The following KDSR variants were observed in gnomAD, a reference collection of about 807,000 sequenced individuals.
KDSR encodes 3-ketodihydrosphingosine reductase.
Under a neutral mutation model 41.3 loss-of-function variants are expected in KDSR, and 23 were observed. The ratio of observed to expected loss-of-function variants is 0.56; its 90% confidence interval spans 0.40 to 0.79. The LOEUF is 0.79. Ranked by LOEUF, KDSR falls within the 30% of genes least tolerant of loss-of-function variation. KDSR has a pLI of 0.00. For missense variants in KDSR, 351 were observed against 416.8 expected, an observed-to-expected ratio of 0.84 and a Z score of 1.37; for synonymous variants, 138 against 151.7, an observed-to-expected ratio of 0.91 and a Z score of 0.66.
intron 7 of KDSR, among the ~76,000 whole-genome samples, chr18:63,343,137 A>G (rs549784170): frequency 2.0e-5 from 3 of 152,240 alleles, no homozygotes; most frequent in South Asian, 4.1e-4. Flanking sequence ...AAATTACCCA[A>G]TCTCAGGCAT....
chr18:63,352,263 C>T (rs1476510631), intron 5 of KDSR, among the ~76,000 whole-genome samples: 2 of 151,986 alleles, frequency 1.3e-5, no homozygotes, highest in African/African-American at 4.8e-5. Flanking sequence ...AGAACATGAA[C>T]ATACAATCAT....
intron 2 of KDSR, among the ~76,000 whole-genome samples, chr18:63,362,079 T>G (rs1010925843): frequency 2.0e-5 from 3 of 152,216 alleles, no homozygotes; most frequent in South Asian, 4.1e-4. Context: ...TGTCTGAGCA[T>G]GTACTACGTG....
chr18:63,359,886 T>C, intron 2 of KDSR, 94 bp from the exon 3 acceptor site: 1 of 841,646 alleles, frequency 1.2e-6, no homozygotes, highest in Non-Finnish European at 2.0e-6. Flanking sequence ...TTTCTATATG[T>C]ATGTATTAAA....
At chr18:63,363,800 A>C (rs527745858) in intron 1 of KDSR, among the ~76,000 whole-genome samples, 1 of 152,278 alleles carries the variant, frequency 6.6e-6, no homozygotes, top group South Asian at 2.1e-4. Context: ...GCACTATTCT[A>C]CCCCTATCTA....
At chr18:63,364,406 A>ATT (rs1915076357) in intron 1 of KDSR, among the ~76,000 whole-genome samples, 3 of 151,852 alleles carry the variant, frequency 2.0e-5, no homozygotes, top group Admixed American at 2.0e-4. Context: ...CTCAATATAT[A>ATT]TTATATATTT....
At position 63,344,386 on chromosome 18, in the gene KDSR, A is replaced by T. The variant is rs941331078; in HGVS notation, c.693+24T>A. On this transcript the variant is annotated intron_variant, in intron 7 of 9. Transcript: ENST00000645214. The stretch of plus-strand genomic sequence containing the variant: ...AAAAGCAGTAAACATTAGAGGTTCA[A>T]ATTGGGACATGTAGGATACTGACCT... 7.1e-6 allele frequency: 11 copies of T among 1,540,718 alleles called. No individual in the cohort carries two copies. In the African/African-American group the frequency reaches 1.5e-4, roughly 21 times the overall value.
chr18:63,331,214 G>T lies in KDSR; in HGVS notation c.*568C>A. On this transcript the variant is annotated 3_prime_UTR_variant, in exon 10 of 10. Transcript: ENST00000645214. Reference sequence around the variant, plus strand: ...AACACAGGGCTGTCAGTGACATTCAGACTCACTGGCAATGGGTCCAACTCA... The same window carrying T: ...AACACAGGGCTGTCAGTGACATTCATACTCACTGGCAATGGGTCCAACTCA... The T allele has an allele frequency of 4.3e-6, 1 of 232,902 alleles. No individual in the cohort carries two copies. 14.4% of individuals were successfully genotyped at this position (232,902 alleles called of 1,614,324 possible).
chr18:63,362,596 G>A (rs1915021051), intron 2 of KDSR, among the ~76,000 whole-genome samples, 183 bp downstream of exon 2: 2 of 152,164 alleles, frequency 1.3e-5, no homozygotes, highest in Admixed American at 6.5e-5. Context: ...TTGTGGGGCC[G>A]ACCTGATTTC....
chr18:63,356,406 A>C (rs1269239300), intron 3 of KDSR, among the ~76,000 whole-genome samples: 1 of 152,216 alleles, frequency 6.6e-6, no homozygotes, highest in Non-Finnish European at 1.5e-5. Context: ...CTCAAAAAAA[A>C]AAAAAGGCAG....
chr18:63,337,216 A>G (rs960857886), intron 8 of KDSR, among the ~76,000 whole-genome samples: 2 of 150,992 alleles, frequency 1.3e-5, no homozygotes, highest in African/African-American at 4.9e-5. Context: ...CCTGGGTTCA[A>G]GCGATTCTCC....
intron 9 of KDSR, among the ~76,000 whole-genome samples, chr18:63,332,570 G>A (rs1329227507): frequency 1.3e-5 from 2 of 152,188 alleles, no homozygotes; most frequent in African/African-American, 4.8e-5. Flanking sequence ...GGTGGCTCAC[G>A]CCTGTAATCC....
chr18:63,366,908 TG>T, intron 1 of KDSR, 102 bp downstream of exon 1: 1 of 545,664 alleles, frequency 1.8e-6, no homozygotes, highest in Non-Finnish European at 2.8e-6. Flanking sequence ...CATGCCTTCC[TG>T]GGGACCGCGG....
At chr18:63,338,763 A>G in intron 8 of KDSR, 37 bp downstream of exon 8, 1 of 1,315,866 alleles carries the variant, frequency 7.6e-7, no homozygotes, top group Non-Finnish European at 1.1e-6. Flanking sequence ...ATAGTACTAC[A>G]AACACAAATA....
At chr18:63,357,145 T>C (rs1351005969) in intron 3 of KDSR, among the ~76,000 whole-genome samples, 1 of 152,158 alleles carries the variant, frequency 6.6e-6, no homozygotes, top group South Asian at 2.1e-4. Context: ...TGAAATACTA[T>C]TCAAAACTCA....
rs551376253 is a variant in KDSR at position 63,354,661 on chromosome 18, C to T, written c.417+543G>A. 3.8e-4 allele frequency among the ~76,000 whole-genome samples: 58 copies of T among 152,172 alleles called. 1 individual carries two copies. The highest frequency in any genetic ancestry group is 7.5e-4 in the Non-Finnish European group (51 of 68,006). On this transcript the variant is annotated intron_variant, in intron 5 of 9. Coordinates refer to ENST00000645214, the MANE Select transcript of KDSR (RefSeq NM_002035.4). The stretch of plus-strand genomic sequence containing the variant: ...CCAGCCTGAGTGACAGAGTGAAATT[C>T]CATCTCAAAAAAAGAAAAAATAAAA...
Position 63,359,290 on chromosome 18 carries a change from G to A in KDSR, c.255+446C>T, listed in dbSNP as rs557344904. Among the ~76,000 whole-genome samples the A allele has an allele frequency of 7.9e-5, 12 of 152,084 alleles. No homozygotes were observed. The East Asian group carries it at 2.3e-3, about 29-fold the overall frequency. On this transcript the variant is annotated intron_variant, in intron 3 of 9. Transcript: ENST00000645214. ...CTAGGAACAAGAAAAGAGGGACAAG[G>A]CTGCTGTGGGGGCTTCAGAGACCCT...
chr18:63,342,161 T>A, intron 7 of KDSR, among the ~76,000 whole-genome samples: 2 of 116,598 alleles, frequency 1.7e-5, no homozygotes, highest in Non-Finnish European at 1.8e-5. Context: ...AGAGCAAGAC[T>A]CTATCACAAA....
intron 2 of KDSR, among the ~76,000 whole-genome samples, chr18:63,360,877 G>A (rs993129795): frequency 1.5e-5 from 2 of 134,484 alleles, no homozygotes; most frequent in South Asian, 2.4e-4. Flanking sequence ...CAGTGAGGCC[G>A]GGCGCAGTGG....
intron 9 of KDSR, among the ~76,000 whole-genome samples, chr18:63,334,957 A>G (rs1379491588): frequency 1.3e-5 from 2 of 152,174 alleles, no homozygotes; most frequent in African/African-American, 2.4e-5. Flanking sequence ...AACACATTGG[A>G]GCAGTGGTTC....
Sources: gnomAD v4.1 joint callset for allele counts (sites outside exome capture counted in the v4.1 genomes callset) on GRCh38, gnomAD v4.1.1 for gene constraint, MANE v1.5 for transcripts, NCBI Gene and HGNC (gene_info 2026-07-23, HGNC 2026-07-21) for gene names.